Variants in TRDMT1 observed in about 807,000 individuals in gnomAD.
TRDMT1 encodes tRNA (cytosine(38)-C(5))-methyltransferase.
In TRDMT1, 49 loss-of-function variants were observed where a neutral mutation model predicts 51.2. That is an observed-to-expected ratio of 0.96 (90% CI 0.76 to 1.21). The LOEUF is 1.21. Among genes scored for constraint, TRDMT1 ranks in the 50% most tolerant of loss-of-function variants. The pLI is 0.00. For missense variants in TRDMT1, 534 were observed against 462.3 expected (o/e 1.16, Z -1.42); for synonymous variants, 187 against 164.6 (o/e 1.14, Z -1.04).
chr10:17,181,605 T>C (rs906130771), intron 1 of TRDMT1, among the ~76,000 whole-genome samples: 36 of 152,214 alleles, frequency 2.4e-4, no homozygotes, highest in Non-Finnish European at 2.4e-4. Context: ...GCTTAAAAAG[T>C]ATTTAATATG....
At position 17,154,671 on chromosome 10, in the gene TRDMT1, T is replaced by C. The variant is rs3736820; in HGVS notation, c.945+6A>G. On this transcript the variant is annotated splice_donor_region_variant and intron_variant, in intron 9 of 10. Coordinates refer to ENST00000377799, the MANE Select transcript of TRDMT1 (RefSeq NM_004412.7). ...AAGTGTTTTAGCTTTAAAACATGCA[T>C]AGTACCTGCACATCCTCTGCAGTCT... is the stretch of plus-strand genomic sequence containing the variant. 228,995 of 1,579,852 alleles carry C rather than the reference T, an allele frequency of 0.14. 17,397 individuals carry two copies. Among genetic ancestry groups the C allele is most frequent in the Admixed American group, 0.19 (10,324 of 54,460 alleles).
chr10:17,156,576 T>G (rs1839543477), intron 8 of TRDMT1, among the ~76,000 whole-genome samples: 1 of 152,078 alleles, frequency 6.6e-6, no homozygotes. Flanking sequence ...CTTTCTAGGT[T>G]TAAAAAAATT....
chr10:17,140,752 A>G lies in TRDMT1; in HGVS notation c.*8288T>C, dbSNP rs927526353. On this transcript the variant is annotated 3_prime_UTR_variant, in exon 11 of 11. Coordinates refer to ENST00000377799, the MANE Select transcript of TRDMT1 (RefSeq NM_004412.7). ...AAAAACAACAAAAAAGATCACATTC[A>G]ATTGAAAAATATAAACAAGAAAAAT... 6.6e-6 allele frequency among the ~76,000 whole-genome samples: 1 copy of G among 152,240 alleles called. No homozygotes were observed. Among genetic ancestry groups the G allele is most frequent in the Non-Finnish European group, 1.5e-5 (1 of 68,042 alleles).
At chr10:17,156,910 A>G (rs1839597551) in intron 8 of TRDMT1, among the ~76,000 whole-genome samples, 1 of 152,168 alleles carries the variant, frequency 6.6e-6, no homozygotes, top group Non-Finnish European at 1.5e-5. Context: ...AATGGTCAAG[A>G]GACAGAAATG....
Position 17,190,505 on chromosome 10 carries a change from T to A in TRDMT1, c.64+11066A>T, listed in dbSNP as rs1844547225. On this transcript the variant is annotated intron_variant, in intron 1 of 10. Coordinates refer to ENST00000377799, the MANE Select transcript of TRDMT1 (RefSeq NM_004412.7). ...CACTGTTAGCATATGATTTAAATTT[T>A]ACAGTGAGTAAAGACCAATTTATTC... Among the ~76,000 whole-genome samples the A allele has an allele frequency of 3.3e-5, 5 of 152,240 alleles. No homozygotes were observed. The South Asian group carries it at 1.0e-3, about 32-fold the overall frequency.
At chr10:17,155,242 T>A (rs1441669737) in intron 8 of TRDMT1, among the ~76,000 whole-genome samples, 1 of 152,066 alleles carries the variant, frequency 6.6e-6, no homozygotes, top group Non-Finnish European at 1.5e-5. Context: ...AATAAATGTC[T>A]CAGAAATGAA....
chr10:17,163,199 C>A (rs1404752999), intron 3 of TRDMT1, among the ~76,000 whole-genome samples: 1 of 152,098 alleles, frequency 6.6e-6, no homozygotes, highest in Non-Finnish European at 1.5e-5. Flanking sequence ...TGTAAACAGG[C>A]AGTACTTGGG....
intron 8 of TRDMT1, among the ~76,000 whole-genome samples, 157 bp downstream of exon 8, chr10:17,157,284 T>C (rs1386899971): frequency 6.6e-6 from 1 of 152,212 alleles, no homozygotes; most frequent in Non-Finnish European, 1.5e-5. Flanking sequence ...TTACTTGTGT[T>C]CTACTGGAAC....
chr10:17,160,487 T>C, intron 5 of TRDMT1, 113 bp from the exon 6 acceptor site: 1 of 675,046 alleles, frequency 1.5e-6, no homozygotes, highest in Non-Finnish European at 2.3e-6. Flanking sequence ...TTTGGTTTTT[T>C]TTGAGACAGA....
At chr10:17,196,834 T>A (rs1040917652) in intron 1 of TRDMT1, among the ~76,000 whole-genome samples, 1 of 152,284 alleles carries the variant, frequency 6.6e-6, no homozygotes, top group South Asian at 2.1e-4. Flanking sequence ...AGTTTAGAGT[T>A]AGCAGTGTGA....
In TRDMT1 at chr10:17,169,424, A is replaced by G. The variant is rs985955408; in HGVS notation, c.175-507T>C. On this transcript the variant is annotated intron_variant, in intron 2 of 10. Coordinates refer to ENST00000377799, the MANE Select transcript of TRDMT1 (RefSeq NM_004412.7). ...AAAAGGGCCTCATTCTCAGATATCCACAATTATTTTGTTTTGCAGTTGTGT... is the reference window on the plus strand; with the variant it reads ...AAAAGGGCCTCATTCTCAGATATCCGCAATTATTTTGTTTTGCAGTTGTGT... The G allele has an allele frequency of 3.1e-6, 4 of 1,288,400 alleles. No homozygotes were observed. In the African/African-American group the frequency reaches 6.1e-5, roughly 20 times the overall value. The allele number at this position is 1,288,400 out of a possible 1,614,324, so 79.8% of individuals were successfully genotyped here. A position where few individuals can be genotyped will look rare whatever the true frequency, so the allele number is the denominator to read the frequency against.
At chr10:17,174,113 T>G (rs925107992) in intron 2 of TRDMT1, among the ~76,000 whole-genome samples, 24 of 152,350 alleles carry the variant, frequency 1.6e-4, no homozygotes, top group African/African-American at 5.8e-4. Context: ...GTTTCAATAC[T>G]TGTGCTGAAG....
intron 1 of TRDMT1, among the ~76,000 whole-genome samples, chr10:17,196,436 A>G (rs542222262): frequency 6.6e-6 from 1 of 152,274 alleles, no homozygotes; most frequent in Non-Finnish European, 1.5e-5. Context: ...AGAAAAATAC[A>G]GAATCTTATT....
At chr10:17,201,259 G>C (rs931795924) in intron 1 of TRDMT1, 32 of 318,532 alleles carry the variant, frequency 1.0e-4, no homozygotes, top group African/African-American at 6.7e-4. Context: ...GGCACCAGGC[G>C]AGGGTCTCGC....
Position 17,140,860 on chromosome 10 carries a change from A to C in TRDMT1, c.*8180T>G, listed in dbSNP as rs1035904743. Among the ~76,000 whole-genome samples, 1 of 152,244 alleles carries C rather than the reference A, an allele frequency of 6.6e-6. No homozygotes were observed. Among genetic ancestry groups the C allele is most frequent in the African/African-American group, 2.4e-5 (1 of 41,468 alleles). The stretch of plus-strand genomic sequence containing the variant: ...GATGAATAATTTCACAGTTATAATC[A>C]TTAGCTATACGTTAGGTGTCTTCCT... On this transcript the variant is annotated 3_prime_UTR_variant, in exon 11 of 11. Transcript: ENST00000377799.
In TRDMT1 at chr10:17,144,388, T is replaced by C. The variant is rs796190688; in HGVS notation, c.*4652A>G. On this transcript the variant is annotated 3_prime_UTR_variant, in exon 11 of 11. Transcript: ENST00000377799. ...AAGAAATGAAAAAACCCTAGGCTTATTCAGAAAAGAGTTCTATGGGAGAAC... is the reference window on the plus strand; with the variant it reads ...AAGAAATGAAAAAACCCTAGGCTTACTCAGAAAAGAGTTCTATGGGAGAAC... 68 of 985,478 alleles carry C rather than the reference T, an allele frequency of 6.9e-5. 1 individual carries two copies. The South Asian group carries it at 2.9e-3, about 42-fold the overall frequency. The allele number at this position is 985,478 out of a possible 1,614,324, so 61.0% of individuals were successfully genotyped here. A position where few individuals can be genotyped will look rare whatever the true frequency, so the allele number is the denominator to read the frequency against.
At chr10:17,196,920 T>C (rs1588696186) in intron 1 of TRDMT1, among the ~76,000 whole-genome samples, 1 of 151,486 alleles carries the variant, frequency 6.6e-6, no homozygotes, top group South Asian at 2.1e-4. Context: ...GCAAGGGAGG[T>C]GGTAAGAGGC....
chr10:17,176,859 T>C (rs1403923115), intron 1 of TRDMT1, among the ~76,000 whole-genome samples: 2 of 152,194 alleles, frequency 1.3e-5, no homozygotes, highest in Non-Finnish European at 2.9e-5. Context: ...TACTTTTAAG[T>C]TACATATATA....
At chr10:17,151,638 G>A in intron 10 of TRDMT1, 1 of 974,752 alleles carries the variant, frequency 1.0e-6, no homozygotes, top group Non-Finnish European at 1.2e-6. Flanking sequence ...GTTTTTCTAA[G>A]TATTATACAT....
Sources: allele counts gnomAD v4.1 joint callset (sites outside exome capture counted in the v4.1 genomes callset), GRCh38; gene constraint gnomAD v4.1.1; transcripts MANE v1.5; gene names NCBI Gene and HGNC (gene_info 2026-07-23, HGNC 2026-07-21).